Variants in NLGN1 observed in about 807,000 individuals in gnomAD.
The protein encoded by NLGN1 is neuroligin-1.
NLGN1 carries 12 observed loss-of-function variants against 65.5 expected under a neutral mutation model. The ratio of observed to expected loss-of-function variants is 0.18; its 90% confidence interval spans 0.12 to 0.30. The LOEUF is 0.30. Ranked by LOEUF, NLGN1 falls within the 10% of genes least tolerant of loss-of-function variation. The pLI, the probability that NLGN1 is intolerant of heterozygous loss-of-function variation, is 1.00. For missense variants in NLGN1, 750 were observed against 1,007.1 expected (o/e 0.74, Z 3.46); for synonymous variants, 350 against 359.5 (o/e 0.97, Z 0.30).
intron 1 of NLGN1, among the ~76,000 whole-genome samples, chr3:173,422,011 A>G (rs1715161262): frequency 6.6e-6 from 1 of 152,178 alleles, no homozygotes; most frequent in Non-Finnish European, 1.5e-5. Context: ...AAATCAGAAT[A>G]ATTTGGTTAT....
At chr3:173,516,527 TC>T (rs1577064062) in intron 2 of NLGN1, among the ~76,000 whole-genome samples, 1 of 152,076 alleles carries the variant, frequency 6.6e-6, no homozygotes, top group African/African-American at 2.4e-5. Flanking sequence ...TTCCAACTTT[TC>T]CTTCCACCTC....
chr3:174,002,703 A>G (rs1723543271), intron 4 of NLGN1, among the ~76,000 whole-genome samples: 1 of 152,148 alleles, frequency 6.6e-6, no homozygotes, highest in African/African-American at 2.4e-5. Context: ...TTTCTAGTGA[A>G]ATTTTTTTGC....
At chr3:173,910,381 T>C (rs1015245202) in intron 4 of NLGN1, 7 of 152,210 alleles carry the variant, frequency 4.6e-5, no homozygotes, top group Non-Finnish European at 1.0e-4. Context: ...ATGAAACTTT[T>C]CCTACAACAG....
intron 4 of NLGN1, among the ~76,000 whole-genome samples, chr3:173,990,068 G>C (rs1720784858): frequency 6.6e-6 from 1 of 152,178 alleles, no homozygotes; most frequent in Non-Finnish European, 1.5e-5. Context: ...TGATGTTGTT[G>C]CCTTAGTAAG....
At chr3:174,133,889 A>G (rs1379292863) in intron 4 of NLGN1, among the ~76,000 whole-genome samples, 22 of 45,818 alleles carry the variant, frequency 4.8e-4, no homozygotes, top group Non-Finnish European at 4.3e-5. Context: ...ACCACACCCC[A>G]CAAAACACAC....
chr3:173,670,185 G>A (rs1013662295), intron 3 of NLGN1, among the ~76,000 whole-genome samples: 2 of 152,124 alleles, frequency 1.3e-5, no homozygotes, highest in Admixed American at 1.3e-4. Context: ...ATAGGTGCCT[G>A]GTGCCTTGTT....
intron 4 of NLGN1, among the ~76,000 whole-genome samples, chr3:174,062,621 G>A (rs1737660714): frequency 6.6e-6 from 1 of 151,756 alleles, no homozygotes; most frequent in African/African-American, 2.4e-5. Context: ...AATCAGAATA[G>A]TGTATGTCAT....
chr3:174,265,475 G>T (rs1045711823), intron 4 of NLGN1, among the ~76,000 whole-genome samples: 4 of 151,988 alleles, frequency 2.6e-5, no homozygotes, highest in African/African-American at 9.7e-5. Context: ...TCTTTGACTC[G>T]GAAAGGGAAC....
At chr3:174,292,979 C>A in the NLGN1 span, among the ~76,000 whole-genome samples, 4 of 151,162 alleles carry the variant, frequency 2.6e-5, no homozygotes, top group African/African-American at 7.3e-5. Flanking sequence ...AAAATTCACA[C>A]GATTTAAAAT....
At chr3:173,849,457 C>CA (rs1726458187) in intron 4 of NLGN1, among the ~76,000 whole-genome samples, 2 of 151,420 alleles carry the variant, frequency 1.3e-5, no homozygotes, top group Admixed American at 1.3e-4. Flanking sequence ...TGCAGAGTAA[C>CA]AGTGTGTCCT....
chr3:174,135,356 T>C (rs934178613), intron 4 of NLGN1, among the ~76,000 whole-genome samples: 9 of 152,180 alleles, frequency 5.9e-5, no homozygotes, highest in Admixed American at 5.9e-4. Flanking sequence ...ATCCTAATGA[T>C]AGGCAGAGGA....
chr3:173,929,644 T>A (rs908803662), intron 4 of NLGN1, among the ~76,000 whole-genome samples: 1 of 150,780 alleles, frequency 6.6e-6, no homozygotes, highest in Non-Finnish European at 1.5e-5. Context: ...GAGAAACAAA[T>A]CTCCTTATTA....
intron 3 of NLGN1, among the ~76,000 whole-genome samples, chr3:173,790,856 A>G (rs905198713): frequency 6.6e-6 from 1 of 152,156 alleles, no homozygotes; most frequent in Admixed American, 6.6e-5. Flanking sequence ...GTCTCCTGAG[A>G]TGCTGTGAGA....
At chr3:173,989,507 A>C (rs1284296309) in intron 4 of NLGN1, among the ~76,000 whole-genome samples, 1 of 152,202 alleles carries the variant, frequency 6.6e-6, no homozygotes, top group African/African-American at 2.4e-5. Context: ...ATATTTTTAA[A>C]AAATTCTGAT....
At chr3:174,039,448 A>G (rs1433583246) in intron 4 of NLGN1, among the ~76,000 whole-genome samples, 6 of 151,696 alleles carry the variant, frequency 4.0e-5, no homozygotes, top group Non-Finnish European at 8.8e-5. Flanking sequence ...GACAGGCCCC[A>G]GTGTGTGAAG....
intron 4 of NLGN1, among the ~76,000 whole-genome samples, chr3:174,133,996 G>C (rs1720725607): frequency 6.6e-6 from 1 of 151,494 alleles, no homozygotes; most frequent in African/African-American, 2.4e-5. Flanking sequence ...CCTGGACAAA[G>C]CTTTAAAGCC....
intron 3 of NLGN1, among the ~76,000 whole-genome samples, chr3:173,605,301 C>T (rs755646164): frequency 2.0e-5 from 3 of 151,946 alleles, no homozygotes; most frequent in Non-Finnish European, 4.4e-5. Flanking sequence ...CATTTTCTTT[C>T]CTCCACAGCA....
chr3:173,742,842 C>T (rs979737423), intron 3 of NLGN1, among the ~76,000 whole-genome samples: 2 of 152,038 alleles, frequency 1.3e-5, no homozygotes, highest in Non-Finnish European at 2.9e-5. Context: ...CATTGTTTAT[C>T]CCTAAGAAAA....
intron 4 of NLGN1, among the ~76,000 whole-genome samples, chr3:174,037,195 T>G (rs2152483500): frequency 6.6e-6 from 1 of 152,308 alleles, no homozygotes; most frequent in East Asian, 1.9e-4. Context: ...CCACAATGGT[T>G]GAACCAATTT....
Sources: allele counts gnomAD v4.1 joint callset (sites outside exome capture counted in the v4.1 genomes callset), GRCh38; gene constraint gnomAD v4.1.1; transcripts MANE v1.5; gene names NCBI Gene and HGNC (gene_info 2026-07-23, HGNC 2026-07-21).